The following METTL15 variants were observed in gnomAD, a reference collection of about 807,000 sequenced individuals.
METTL15 encodes methyltransferase 15, mitochondrial 12S rRNA N4-cytidine.
Under a neutral mutation model 38.3 loss-of-function variants are expected in METTL15, and 34 were observed. That is an observed-to-expected ratio of 0.89 (90% CI 0.68 to 1.18). The LOEUF (loss-of-function observed/expected upper bound fraction) is 1.18. METTL15 is among the 50% of genes most tolerant of loss of function. The pLI is 0.00. For synonymous variants in METTL15, 162 were observed against 170.9 expected, an observed-to-expected ratio of 0.95 and a Z score of 0.41; for missense variants, 438 against 498.4, an observed-to-expected ratio of 0.88 and a Z score of 1.15.
chr11:28,300,115 C>T (rs1447499458), intron 6 of METTL15, among the ~76,000 whole-genome samples: 2 of 152,026 alleles, frequency 1.3e-5, no homozygotes, highest in Non-Finnish European at 2.9e-5. Flanking sequence ...AATTGTGCTA[C>T]GTAGACATGA....
intron 6 of METTL15, among the ~76,000 whole-genome samples, chr11:28,329,977 G>A (rs1418329187): frequency 6.6e-6 from 1 of 151,924 alleles, no homozygotes; most frequent in Admixed American, 6.6e-5. Flanking sequence ...TTTCTTTTCT[G>A]TTGGCATTTT....
chr11:28,186,065 T>TG (rs1363299276), intron 3 of METTL15, among the ~76,000 whole-genome samples: 1 of 150,934 alleles, frequency 6.6e-6, no homozygotes, highest in Non-Finnish European at 1.5e-5. Flanking sequence ...TCTTTGGGTT[T>TG]GGGGTTCTAA....
intron 6 of METTL15, among the ~76,000 whole-genome samples, chr11:28,444,369 C>G (rs1197383631): frequency 6.6e-6 from 1 of 152,110 alleles, no homozygotes; most frequent in Non-Finnish European, 1.5e-5. Flanking sequence ...TTATTTACAA[C>G]TTTAAGAAAG....
chr11:28,343,345 G>A (rs1349710804), intron 3 of METTL15, among the ~76,000 whole-genome samples: 1 of 152,022 alleles, frequency 6.6e-6, no homozygotes, highest in Non-Finnish European at 1.5e-5. Context: ...GAAAGCTATT[G>A]AATTTCAAAA....
At chr11:28,272,627 T>C (rs1855690263) in intron 4 of METTL15, among the ~76,000 whole-genome samples, 1 of 152,116 alleles carries the variant, frequency 6.6e-6, no homozygotes, top group East Asian at 1.9e-4. Flanking sequence ...AGATGACTGG[T>C]TGTTGGGTGC....
At chr11:28,492,263 G>A (rs990206368) in intron 6 of METTL15, among the ~76,000 whole-genome samples, 7 of 152,102 alleles carry the variant, frequency 4.6e-5, no homozygotes, top group East Asian at 1.9e-4. Context: ...GAAGCAGTTT[G>A]TGGTGTCTTC....
intron 4 of METTL15, among the ~76,000 whole-genome samples, chr11:28,360,381 G>A (rs1039544491): frequency 5.9e-5 from 9 of 152,146 alleles, no homozygotes; most frequent in South Asian, 2.1e-4. Context: ...TTCTTCTTCC[G>A]AATCCTTCTT....
intron 4 of METTL15, among the ~76,000 whole-genome samples, chr11:28,246,870 A>G (rs2133915509): frequency 6.6e-6 from 1 of 152,282 alleles, no homozygotes; most frequent in African/African-American, 2.4e-5. Context: ...TGTGGCTCAT[A>G]TGACTGAGGA....
chr11:28,505,998 C>T (rs971432940), intron 6 of METTL15, among the ~76,000 whole-genome samples: 13 of 152,320 alleles, frequency 8.5e-5, no homozygotes, highest in South Asian at 2.1e-4. Context: ...ACTCCTCTTG[C>T]CCTGTAAGTT....
intron 6 of METTL15, among the ~76,000 whole-genome samples, chr11:28,514,849 C>T (rs1256642300): frequency 6.6e-6 from 1 of 152,174 alleles, no homozygotes; most frequent in Non-Finnish European, 1.5e-5. Context: ...ATCTAATGAA[C>T]ATTAATGCAA....
chr11:28,144,858 A>G (rs1849824926), intron 3 of METTL15: 1 of 153,528 alleles, frequency 6.5e-6, no homozygotes, highest in Admixed American at 6.6e-5. Context: ...GAACACTGAA[A>G]TAGTAAGTCA....
downstream of METTL15, among the ~76,000 whole-genome samples, chr11:28,531,617 A>C (rs1851843668): frequency 1.3e-5 from 2 of 152,082 alleles, no homozygotes; most frequent in South Asian, 4.1e-4. Flanking sequence ...CGTAAAGTTG[A>C]GTACACTAAG....
chr11:28,215,048 A>C (rs566800533), intron 4 of METTL15, among the ~76,000 whole-genome samples: 53 of 152,324 alleles, frequency 3.5e-4, no homozygotes, highest in African/African-American at 1.3e-3. Context: ...AGAGAGAACT[A>C]TCCATTTTTT....
chr11:28,146,513 T>C (rs1849891805), intron 3 of METTL15, among the ~76,000 whole-genome samples: 1 of 152,058 alleles, frequency 6.6e-6, no homozygotes, highest in Non-Finnish European at 1.5e-5. Context: ...TCATAGATTT[T>C]TAAAAATCTG....
chr11:28,210,964 A>T, intron 3 of METTL15, 98 bp from the exon 4 acceptor site: 1 of 1,265,188 alleles, frequency 7.9e-7, no homozygotes, highest in Non-Finnish European at 1.1e-6. Flanking sequence ...TTTACTGTCA[A>T]GTCTGAAAAT....
intron 4 of METTL15, among the ~76,000 whole-genome samples, chr11:28,238,324 C>T (rs1854116711): frequency 6.6e-6 from 1 of 152,184 alleles, no homozygotes; most frequent in Admixed American, 6.5e-5. Flanking sequence ...GCGCCCCTCC[C>T]CCAGCCTGGC....
intron 3 of METTL15, chr11:28,134,520 C>T: frequency 2.5e-6 from 1 of 398,448 alleles, no homozygotes; most frequent in East Asian, 3.6e-5. Flanking sequence ...AGCAAGCTGG[C>T]TAACCCCTTT....
At chr11:28,411,645 CAT>C (rs1850725349) in intron 5 of METTL15, among the ~76,000 whole-genome samples, 2 of 113,838 alleles carry the variant, frequency 1.8e-5, no homozygotes, top group Admixed American at 8.9e-5. Flanking sequence ...TCCTAGAAGA[CAT>C]AGGAGAAAAG....
At chr11:28,310,965 G>GGTGTGTGTGT (rs772116266) in intron 6 of METTL15, among the ~76,000 whole-genome samples, 7 of 77,482 alleles carry the variant, frequency 9.0e-5, no homozygotes, top group East Asian at 1.5e-3. Context: ...GGTGGTGGTG[G>GGTGTGTGTGT]GTGTGTGTGT....
Sources: allele counts gnomAD v4.1 joint callset (sites outside exome capture counted in the v4.1 genomes callset), GRCh38; gene constraint gnomAD v4.1.1; transcripts MANE v1.5; gene names NCBI Gene and HGNC (gene_info 2026-07-23, HGNC 2026-07-21).